Variants in MDGA2 observed in about 807,000 individuals in gnomAD.
The protein encoded by MDGA2 is MAM domain containing glycosylphosphatidylinositol anchor 2.
Under a neutral mutation model 117.8 loss-of-function variants are expected in MDGA2, and 40 were observed. That is an observed-to-expected ratio of 0.34 (90% CI 0.26 to 0.44). The LOEUF (loss-of-function observed/expected upper bound fraction) is 0.44, where lower values mean the gene tolerates loss of function less well. Ranked by LOEUF, MDGA2 falls within the 20% of genes least tolerant of loss-of-function variation. MDGA2 has a pLI of 1.00. For synonymous variants in MDGA2, 452 were observed against 439.0 expected (o/e 1.03, Z -0.37); for missense variants, 1,123 against 1,250.6 (o/e 0.90, Z 1.54).
intron 6 of MDGA2, among the ~76,000 whole-genome samples, chr14:47,074,602 G>T (rs145905082): frequency 8.7e-4 from 132 of 152,292 alleles, no homozygotes; most frequent in African/African-American, 3.0e-3. Context: ...GCCCAGCCCA[G>T]AACTTTTAAC....
At chr14:47,020,581 A>G in intron 8 of MDGA2, among the ~76,000 whole-genome samples, 1 of 134,006 alleles carries the variant, frequency 7.5e-6, no homozygotes, top group East Asian at 3.1e-4. Flanking sequence ...AGAGAGAGGA[A>G]GAGAGGAAAG....
intron 5 of MDGA2, among the ~76,000 whole-genome samples, chr14:47,104,043 C>G (rs1880494525): frequency 6.6e-6 from 1 of 152,220 alleles, no homozygotes; most frequent in African/African-American, 2.4e-5. Flanking sequence ...TGTATGTTTA[C>G]TTCACCTGCC....
intron 3 of MDGA2, among the ~76,000 whole-genome samples, chr14:47,145,810 G>T (rs36083396): frequency 0.022 from 3,397 of 152,148 alleles, 46 homozygotes; most frequent in Non-Finnish European, 0.033. Context: ...CTTAATAAAA[G>T]TTGGCTATTA....
chr14:46,933,529 C>T (rs1009906403), intron 9 of MDGA2, among the ~76,000 whole-genome samples: 1 of 151,440 alleles, frequency 6.6e-6, no homozygotes, highest in Non-Finnish European at 1.5e-5. Flanking sequence ...AAATGTTAAT[C>T]TCCCACTACA....
chr14:47,476,753 A>G (rs1481159724), intron 1 of MDGA2, among the ~76,000 whole-genome samples: 1 of 152,238 alleles, frequency 6.6e-6, no homozygotes, highest in Non-Finnish European at 1.5e-5. Context: ...AGAAAATATA[A>G]TTGAAAATAT....
In MDGA2 at chr14:46,957,659, G is replaced by A; in HGVS notation, c.1820-16C>T. The A allele has an allele frequency of 6.2e-7, 1 of 1,612,416 alleles. No homozygotes were observed. The highest frequency in any genetic ancestry group is 8.5e-7 in the Non-Finnish European group (1 of 1,178,938). On this transcript the variant is annotated splice_polypyrimidine_tract_variant and intron_variant, in intron 8 of 16. Coordinates refer to ENST00000399232, the MANE Select transcript of MDGA2 (RefSeq NM_001113498.3). ...GCAGGGGGATCTGTAGAAAAGATATGTAAAAACAGATGAAAGATGTGACTT... is the reference window on the plus strand; with the variant it reads ...GCAGGGGGATCTGTAGAAAAGATATATAAAAACAGATGAAAGATGTGACTT...
chr14:46,898,346 G>A (rs148210015), intron 10 of MDGA2, among the ~76,000 whole-genome samples: 117 of 152,044 alleles, frequency 7.7e-4, no homozygotes, highest in African/African-American at 2.7e-3. Flanking sequence ...AAATAAAATT[G>A]GTAGAAATTA....
At position 47,119,172 on chromosome 14, in the gene MDGA2, C is replaced by CCCA. The variant is rs1566635281; in HGVS notation, c.925+12541_925+12542insTGG. ...TTCACGCCATTCTCCTGCCTCAGCC[C>CCCA]CGCCCCCCCCCCCCCACCCCGTAGC... On this transcript the variant is annotated intron_variant, in intron 5 of 16. Transcript: ENST00000399232. 4.3e-4 allele frequency among the ~76,000 whole-genome samples: 6 copies of CCCA among 14,060 alleles called. 2 individuals carry two copies. The highest frequency in any genetic ancestry group is 2.0e-3 in the Non-Finnish European group (6 of 3,056). 9.2% of individuals were successfully genotyped at this position (14,060 alleles called of 152,430 possible).
At chr14:46,922,203 C>T (rs768735962) in intron 9 of MDGA2, among the ~76,000 whole-genome samples, 37 of 151,866 alleles carry the variant, frequency 2.4e-4, no homozygotes, top group Non-Finnish European at 3.8e-4. Context: ...CAGTGATTTC[C>T]GAATAAAATG....
chr14:46,966,099 GATT>G (rs71966928), intron 8 of MDGA2, among the ~76,000 whole-genome samples: 5,997 of 152,000 alleles, frequency 0.039, 398 homozygotes, highest in African/African-American at 0.14. Context: ...TAAAAATAAA[GATT>G]ATATTTCTTG....
At chr14:47,538,266 A>G (rs1895264317) in intron 1 of MDGA2, among the ~76,000 whole-genome samples, 1 of 152,220 alleles carries the variant, frequency 6.6e-6, no homozygotes, top group Admixed American at 6.5e-5. Flanking sequence ...ATTTTATTAA[A>G]GTATGACTAA....
At chr14:47,669,945 A>G (rs1733647409) in intron 1 of MDGA2, among the ~76,000 whole-genome samples, 1 of 152,140 alleles carries the variant, frequency 6.6e-6, no homozygotes, top group Non-Finnish European at 1.5e-5. Context: ...CCAACTGACC[A>G]TCCATGTCAT....
chr14:47,095,638 A>C lies in MDGA2; in HGVS notation c.1195+1216T>G, dbSNP rs550343944. On this transcript the variant is annotated intron_variant, in intron 6 of 16. Coordinates refer to ENST00000399232, the MANE Select transcript of MDGA2 (RefSeq NM_001113498.3). ...ATAATCATACATGTTATACATGTAC[A>C]TATGTACATATAATAAATATTGTAT... 3.9e-4 allele frequency among the ~76,000 whole-genome samples: 57 copies of C among 148,014 alleles called. No individual in the cohort carries two copies. The East Asian group carries it at 0.01, about 27-fold the overall frequency.
intron 9 of MDGA2, 136 bp from the exon 10 acceptor site, chr14:46,920,296 G>T: frequency 1.2e-6 from 1 of 819,568 alleles, no homozygotes; most frequent in Non-Finnish European, 1.8e-6. Flanking sequence ...TTCTGGATAT[G>T]TTTTGAGAAC....
At chr14:47,379,558 C>A (rs1487011480) in intron 1 of MDGA2, among the ~76,000 whole-genome samples, 1 of 151,934 alleles carries the variant, frequency 6.6e-6, no homozygotes, top group Non-Finnish European at 1.5e-5. Context: ...AAAATAAAAA[C>A]AGGGGTTACA....
chr14:47,511,169 C>T (rs1283256948), intron 1 of MDGA2, among the ~76,000 whole-genome samples: 2 of 152,102 alleles, frequency 1.3e-5, no homozygotes, highest in Non-Finnish European at 2.9e-5. Context: ...AGGAAGAAGA[C>T]CTTCAGTAAA....
chr14:47,174,535 C>T (rs1275283027), intron 3 of MDGA2, among the ~76,000 whole-genome samples: 1 of 152,150 alleles, frequency 6.6e-6, no homozygotes, highest in African/African-American at 2.4e-5. Context: ...GAACAACCTG[C>T]TCCTGAATGA....
chr14:46,924,206 TG>T (rs1407305346), intron 9 of MDGA2, among the ~76,000 whole-genome samples: 1 of 152,004 alleles, frequency 6.6e-6, no homozygotes, highest in African/African-American at 2.4e-5. Flanking sequence ...AATTTGTTTT[TG>T]AAAATTTTTA....
At chr14:46,998,625 T>G (rs1304806384) in intron 8 of MDGA2, among the ~76,000 whole-genome samples, 1 of 152,244 alleles carries the variant, frequency 6.6e-6, no homozygotes, top group Admixed American at 6.6e-5. Context: ...TACAAAATTC[T>G]TTTTAGTATA....
Sources: allele counts gnomAD v4.1 joint callset (sites outside exome capture counted in the v4.1 genomes callset), GRCh38; gene constraint gnomAD v4.1.1; transcripts MANE v1.5; gene names NCBI Gene and HGNC (gene_info 2026-07-23, HGNC 2026-07-21).